ZSWIM2: variants seen among roughly 807,000 people sequenced by gnomAD.
ZSWIM2 encodes the protein zinc finger SWIM-type containing 2, also known as E3 ubiquitin-protein ligase ZSWIM2.
ZSWIM2 carries 38 observed loss-of-function variants against 48.4 expected under a neutral mutation model. The ratio of observed to expected loss-of-function variants is 0.79; its 90% CI spans 0.61 to 1.03. The LOEUF is 1.03. Ranked by LOEUF, ZSWIM2 falls within the 50% of genes least tolerant of loss-of-function variation. The pLI is 0.00. For synonymous variants in ZSWIM2, 240 were observed against 251.3 expected (o/e 0.96, Z 0.42); for missense variants, 776 against 730.2 (o/e 1.06, Z -0.72).
Position 186,829,727 on chromosome 2 carries a change from C to A in ZSWIM2, c.1095G>T (p.Lys365Asn). The change falls in exon 8 of 9, where the codon AAG (lysine) becomes AAT (asparagine). Residue 365 changes from lysine (K) to asparagine (N), a missense_variant and splice_region_variant. Lys to Asn is a moderately conservative substitution (Grantham distance 94, BLOSUM62 0). Transcript: ENST00000295131. ...AAAACTAAAATGATGTGACTTTTAC[C>A]TTGTGAGTACATGGTAGCAATCTTG... is the stretch of plus-strand genomic sequence containing the variant. ...QHTRLLPCTHKFHRKCIDNWL... is the reference protein window; with the variant it reads ...QHTRLLPCTHNFHRKCIDNWL... 1 of 1,607,042 alleles carries A rather than the reference C, an allele frequency of 6.2e-7. No homozygotes were observed. Among genetic ancestry groups the A allele is most frequent in the Non-Finnish European group, 8.5e-7 (1 of 1,178,014 alleles).
At position 186,847,694 on chromosome 2, in the gene ZSWIM2, G is replaced by T. The variant is rs1431377621; in HGVS notation, c.242+25C>A. On this transcript the variant is annotated intron_variant, in intron 2 of 8. Transcript: ENST00000295131. ...CACACCAAGATGTTCCTTCATGGAA[G>T]ATCTTCATTTGAAAAGTCACTTACC... 7 of 1,538,640 alleles carry T rather than the reference G, an allele frequency of 4.5e-6. No individual in the cohort carries two copies. The African/African-American group carries it at 9.7e-5, about 21-fold the overall frequency.
At chr2:186,835,859 T>C (rs1691784426) in intron 5 of ZSWIM2, among the ~76,000 whole-genome samples, 1 of 152,182 alleles carries the variant, frequency 6.6e-6, no homozygotes, top group Non-Finnish European at 1.5e-5. Context: ...TGAGTAATTG[T>C]TAGCCAGATC....
At chr2:186,836,196 G>A (rs1320465063) in intron 5 of ZSWIM2, among the ~76,000 whole-genome samples, 1 of 151,938 alleles carries the variant, frequency 6.6e-6, no homozygotes, top group Admixed American at 6.6e-5. Flanking sequence ...TCCCCTCCAT[G>A]ACTGGTCCTA....
chr2:186,833,344 G>A (rs1159071047), intron 6 of ZSWIM2, 112 bp from the exon 7 acceptor site: 3 of 507,024 alleles, frequency 5.9e-6, no homozygotes, highest in African/African-American at 2.0e-5. Flanking sequence ...AATATTTTAA[G>A]CATATATATT....
chr2:186,834,382 G>A (rs1000900157), intron 5 of ZSWIM2, among the ~76,000 whole-genome samples: 54 of 152,038 alleles, frequency 3.6e-4, no homozygotes, highest in Non-Finnish European at 3.4e-4. Context: ...AACCCCAGGC[G>A]CTGACCTGGT....
At chr2:186,840,844 A>C in intron 3 of ZSWIM2, among the ~76,000 whole-genome samples, 1 of 151,544 alleles carries the variant, frequency 6.6e-6, no homozygotes, top group Non-Finnish European at 1.5e-5. Flanking sequence ...ATAAAGCCAT[A>C]GAGAAAAAAC....
At position 186,828,678 on chromosome 2, in the gene ZSWIM2, T is replaced by C. The variant is rs1411475240; in HGVS notation, c.1208A>G (p.Gln403Arg). 6.2e-7 allele frequency: 1 copy of C among 1,613,278 alleles called. No homozygotes were observed. The highest frequency in any genetic ancestry group is 1.7e-5 in the Admixed American group (1 of 59,914). The stretch of plus-strand genomic sequence containing the variant: ...TCTGTTTGAAACAGACTGATGTGCT[T>C]GTCCATTCACTGCTGAATTTTTCCA... ...LTWKNSAVNG[Q>R]AHQSVSNRDI... The change falls in exon 9 of 9, where the codon CAA (glutamine) becomes CGA (arginine). Residue 403 changes from glutamine to arginine, a missense_variant. Transcript: ENST00000295131.
chr2:186,828,523 G>T lies in ZSWIM2; in HGVS notation c.1363C>A (p.Pro455Thr), dbSNP rs368862359. ...PQCNFDELNTPQSPKDAYENT... is the reference protein window; with the variant it reads ...PQCNFDELNTTQSPKDAYENT... ...TCATAGGCATCTTTTGGGCTTTGAG[G>T]TGTATTCAATTCATCAAAATTACAC... Residue 455 changes from proline to threonine, a missense_variant, in exon 9 of 9, where the codon CCT (proline) becomes ACT (threonine). Pro to Thr is a conservative substitution (Grantham distance 38). Transcript: ENST00000295131. 1.1e-5 allele frequency: 17 copies of T among 1,613,308 alleles called. No individual in the cohort carries two copies. The highest frequency in any genetic ancestry group is 1.6e-4 in the Middle Eastern group (1 of 6,074).
chr2:186,847,569 T>C, intron 2 of ZSWIM2, 150 bp downstream of exon 2: 1 of 433,420 alleles, frequency 2.3e-6, no homozygotes, highest in Non-Finnish European at 4.1e-6. Context: ...TACTGAAAAA[T>C]TTATTGGTAA....
At position 186,827,578 on chromosome 2, in the gene ZSWIM2, T is replaced by C. The variant is rs12616053; in HGVS notation, c.*406A>G. On this transcript the variant is annotated 3_prime_UTR_variant, in exon 9 of 9. Coordinates refer to ENST00000295131, the MANE Select transcript of ZSWIM2 (RefSeq NM_182521.3). ...GTTTTTTTTTATAGGTTTGTGGTAA[T>C]TACTAGTGCAAGAAAAATGCAAAAA... 0.23 allele frequency among the ~76,000 whole-genome samples: 34,546 copies of C among 151,550 alleles called. 4,439 individuals carry two copies. The highest frequency in any genetic ancestry group is 0.3 in the South Asian group (1,431 of 4,804).
chr2:186,845,118 G>C (rs1347185983), intron 2 of ZSWIM2, among the ~76,000 whole-genome samples: 1 of 151,384 alleles, frequency 6.6e-6, no homozygotes, highest in East Asian at 1.9e-4. Flanking sequence ...TAATTTTCTG[G>C]ATAGTGTACC....
intron 5 of ZSWIM2, 104 bp downstream of exon 5, chr2:186,837,202 T>G: frequency 4.1e-6 from 5 of 1,226,840 alleles, no homozygotes; most frequent in Admixed American, 2.0e-5. Context: ...AAACAGTATA[T>G]GCAGGAAGAG....
chr2:186,834,951 C>T (rs1013619551), intron 5 of ZSWIM2, among the ~76,000 whole-genome samples: 1 of 152,084 alleles, frequency 6.6e-6, no homozygotes, highest in Non-Finnish European at 1.5e-5. Context: ...AGGATGTGGA[C>T]GTTTTAGGAA....
In ZSWIM2 at chr2:186,828,070, T is replaced by A; in HGVS notation, c.1816A>T (p.Ser606Cys). The A allele has an allele frequency of 6.2e-7, 1 of 1,613,400 alleles. No homozygotes were observed. The highest frequency in any genetic ancestry group is 8.5e-7 in the Non-Finnish European group (1 of 1,179,628). ...NCMGEITRKC[S>C]HLSRQPVSHS... ...GACACAGGCTGTCTTGATAGATGAC[T>A]ACATTTTCGTGTAATTTCCCCCATA... The change falls in exon 9 of 9, where the codon AGT becomes TGT. Residue 606 changes from serine to cysteine, a missense_variant. Ser to Cys is a moderately radical substitution (Grantham distance 112). Transcript: ENST00000295131.
chr2:186,837,159 G>GT (rs1559113602), intron 5 of ZSWIM2, 147 bp downstream of exon 5: 2 of 762,352 alleles, frequency 2.6e-6, no homozygotes, highest in African/African-American at 3.5e-5. Flanking sequence ...AAGTCAGTCT[G>GT]TGAGTCCTAA....
chr2:186,828,509 T>G lies in ZSWIM2; in HGVS notation c.1377A>C (p.Lys459Asn). 6.2e-7 allele frequency: 1 copy of G among 1,613,530 alleles called. No individual in the cohort carries two copies. Among genetic ancestry groups the G allele is most frequent in the Non-Finnish European group, 8.5e-7 (1 of 1,179,686 alleles). Residue 459 changes from lysine to asparagine, a missense_variant, in exon 9 of 9, where the codon AAA becomes AAC. Coordinates refer to ENST00000295131, the MANE Select transcript of ZSWIM2 (RefSeq NM_182521.3). ...FDELNTPQSPKDAYENTTIDN... is the reference protein window; with the variant it reads ...FDELNTPQSPNDAYENTTIDN... The stretch of plus-strand genomic sequence containing the variant: ...CTATTGTTGTATTTTCATAGGCATC[T>G]TTTGGGCTTTGAGGTGTATTCAATT...
rs1559117944 is a variant in ZSWIM2 at position 186,849,115 on chromosome 2, A to G, written c.16T>C (p.Tyr6His). 2 of 1,611,390 alleles carry G rather than the reference A, an allele frequency of 1.2e-6. No homozygotes were observed. The highest frequency in any genetic ancestry group is 1.7e-6 in the Non-Finnish European group (2 of 1,178,246). Residue 6 changes from tyrosine (Y) to histidine (H), a missense_variant, in exon 1 of 9, where the codon TAT becomes CAT. Tyr to His is a moderately conservative substitution (Grantham distance 83). Coordinates refer to ENST00000295131, the MANE Select transcript of ZSWIM2 (RefSeq NM_182521.3). Reference sequence around the variant, plus strand: ...TGTCTTCGCCTTTCAGAGGCCTTATAGCCTCGGCGAAGCATGCTGGGTGCG... The same window carrying G: ...TGTCTTCGCCTTTCAGAGGCCTTATGGCCTCGGCGAAGCATGCTGGGTGCG... MLRRGYKASERRRHLS... is the reference protein window; with the variant it reads MLRRGHKASERRRHLS...
intron 1 of ZSWIM2, among the ~76,000 whole-genome samples, chr2:186,848,172 T>C (rs147477341): frequency 6.6e-6 from 1 of 152,324 alleles, no homozygotes; most frequent in African/African-American, 2.4e-5. Flanking sequence ...TTTGGTGCAT[T>C]TGAGTCGGTG....
intron 6 of ZSWIM2, among the ~76,000 whole-genome samples, chr2:186,833,488 A>T (rs1427849921): frequency 2.6e-5 from 4 of 152,132 alleles, no homozygotes; most frequent in Non-Finnish European, 5.9e-5. Context: ...TCTGGTAAGT[A>T]GAAGGTAGTG....
Sources: gnomAD v4.1 joint callset for allele counts (sites outside exome capture counted in the v4.1 genomes callset) on GRCh38, gnomAD v4.1.1 for gene constraint, MANE v1.5 for transcripts, NCBI Gene and HGNC (gene_info 2026-07-23, HGNC 2026-07-21) for gene names.